AP4S1: variants seen among roughly 807,000 people sequenced by gnomAD.
The protein encoded by AP4S1 is AP-4 complex subunit sigma-1.
Under a neutral mutation model 19.8 loss-of-function variants are expected in AP4S1, and 23 were observed. The ratio of observed to expected loss-of-function variants is 1.16; its 90% confidence interval spans 0.84 to 1.65. The LOEUF is 1.65. Ranked by LOEUF, AP4S1 falls within the 40% of genes most tolerant of loss-of-function variation. The pLI is 0.00. For synonymous variants in AP4S1, 46 were observed against 54.1 expected (o/e 0.85, Z 0.66); for missense variants, 166 against 172.8 (o/e 0.96, Z 0.22).
chr14:31,052,934 A>AT (rs1209280743), intron 1 of AP4S1, among the ~76,000 whole-genome samples: 45,614 of 101,244 alleles, frequency 0.45, 11,265 homozygotes, highest in Admixed American at 0.51. Context: ...AGTGTGCTAA[A>AT]TTTTTTTTTT....
At position 31,062,924 on chromosome 14, in the gene AP4S1, G is replaced by A. The variant is rs542629603; in HGVS notation, c.-71-3202G>A. 9.2e-4 allele frequency among the ~76,000 whole-genome samples: 139 copies of A among 151,296 alleles called. 1 individual carries two copies. Among genetic ancestry groups the A allele is most frequent in the African/African-American group, 2.5e-3 (103 of 41,180 alleles). On this transcript the variant is annotated intron_variant, in intron 1 of 5. Coordinates refer to ENST00000542754, the MANE Select transcript of AP4S1 (RefSeq NM_001128126.3). Reference sequence around the variant, plus strand: ...GGAGCTTGCAGTGAGCCGAGATTACGCCACTGCATTCCAGCCTGGGGGACA... The same window carrying A: ...GGAGCTTGCAGTGAGCCGAGATTACACCACTGCATTCCAGCCTGGGGGACA...
Position 31,095,275 on chromosome 14 carries a change from T to A in AP4S1, c.*2240T>A, listed in dbSNP as rs937675727. On this transcript the variant is annotated 3_prime_UTR_variant, in exon 6 of 6. Coordinates refer to ENST00000542754, the MANE Select transcript of AP4S1 (RefSeq NM_001128126.3). ...GAGTTAAATTTTATTTGCCAGTTTG[T>A]AAAAGCCTTTGATACTCATTTTAAG... is the stretch of plus-strand genomic sequence containing the variant. 6.6e-6 allele frequency: 1 copy of A among 152,234 alleles called. No homozygotes were observed. The highest frequency in any genetic ancestry group is 2.4e-5 in the African/African-American group (1 of 41,464). 9.4% of individuals were successfully genotyped at this position (152,234 alleles called of 1,614,324 possible).
chr14:31,047,178 C>T (rs1885456782), intron 1 of AP4S1, among the ~76,000 whole-genome samples: 1 of 152,030 alleles, frequency 6.6e-6, no homozygotes, highest in Non-Finnish European at 1.5e-5. Flanking sequence ...AATTCATTGT[C>T]TGTTTTTTAA....
chr14:31,084,289 C>T (rs1210803239), intron 5 of AP4S1, among the ~76,000 whole-genome samples: 26 of 152,200 alleles, frequency 1.7e-4, no homozygotes, highest in Non-Finnish European at 7.3e-5. Flanking sequence ...GTCTTTTTCT[C>T]CAGAGGCTTT....
intron 1 of AP4S1, among the ~76,000 whole-genome samples, chr14:31,049,289 C>A (rs1885600699): frequency 6.7e-6 from 1 of 150,258 alleles, no homozygotes; most frequent in Admixed American, 6.6e-5. Flanking sequence ...TGGCGGGTGC[C>A]TGTAGCCCCA....
At chr14:31,043,075 G>T (rs1236448474) in intron 1 of AP4S1, among the ~76,000 whole-genome samples, 1 of 152,062 alleles carries the variant, frequency 6.6e-6, no homozygotes, top group Non-Finnish European at 1.5e-5. Flanking sequence ...GCAAAAATTA[G>T]CTGGGCATGG....
intron 1 of AP4S1, among the ~76,000 whole-genome samples, chr14:31,060,001 GTATTTATGTATATATGTATATA>G (rs1255328253): frequency 1.3e-3 from 112 of 84,096 alleles, no homozygotes; most frequent in Middle Eastern, 6.7e-3. Context: ...ATATTTATAT[GTATTTATGTATATATGTATATA>G]TATTTATGTA....
At chr14:31,035,674 C>CCCTCATG (rs1294950740) in intron 1 of AP4S1, among the ~76,000 whole-genome samples, 1 of 150,752 alleles carries the variant, frequency 6.6e-6, no homozygotes, top group Non-Finnish European at 1.5e-5. Flanking sequence ...TCTATGACCC[C>CCCTCATG]CCTCATGGTC....
intron 5 of AP4S1, among the ~76,000 whole-genome samples, chr14:31,091,594 G>C (rs1399859677): frequency 1.3e-5 from 2 of 151,382 alleles, no homozygotes; most frequent in East Asian, 3.9e-4. Flanking sequence ...TTATTCTGCT[G>C]GAGGACTATT....
rs572324856 is a variant in AP4S1, at chr14:31,092,923, A to G, written c.323A>G (p.Asp108Gly). ...TAACCGTAGATAATGTTTAATTTGGATAAAGTACACATCATTTTGGATGAG... is the reference window on the plus strand; with the variant it reads ...TAACCGTAGATAATGTTTAATTTGGGTAAAGTACACATCATTTTGGATGAG... ...VSELDIMFNLDKVHIILDEMV... is the reference protein window; with the variant it reads ...VSELDIMFNLGKVHIILDEMV... The change falls in exon 6 of 6, where the codon GAT becomes GGT. Residue 108 changes from aspartate (D) to glycine (G), a missense_variant. Transcript: ENST00000542754. The G allele has an allele frequency of 3.7e-5, 57 of 1,536,000 alleles. No homozygotes were observed. The East Asian group carries it at 1.2e-3, about 33-fold the overall frequency.
At chr14:31,070,155 C>T (rs146323504) in intron 3 of AP4S1, among the ~76,000 whole-genome samples, 54 of 151,828 alleles carry the variant, frequency 3.6e-4, no homozygotes, top group African/African-American at 9.9e-4. Flanking sequence ...CCACCACACC[C>T]GGCTAATTTT....
At chr14:31,081,970 T>C (rs1349299706) in intron 5 of AP4S1, among the ~76,000 whole-genome samples, 1 of 152,144 alleles carries the variant, frequency 6.6e-6, no homozygotes, top group Non-Finnish European at 1.5e-5. Context: ...GTGCTGGGAT[T>C]ACAGGCGTGA....
chr14:31,038,654 C>T (rs1884914414), intron 1 of AP4S1, among the ~76,000 whole-genome samples: 2 of 151,336 alleles, frequency 1.3e-5, no homozygotes, highest in East Asian at 4.4e-4. Flanking sequence ...ACTGGGTCTT[C>T]CTCAACCATT....
intron 1 of AP4S1, chr14:31,026,474 G>A (rs1270148438): frequency 7.9e-6 from 3 of 380,442 alleles, no homozygotes; most frequent in African/African-American, 6.3e-5. Context: ...GCCGTCACTA[G>A]CGCACAGCAT....
In AP4S1 at chr14:31,093,195, GA is replaced by G. The variant is rs1338878714; in HGVS notation, c.*164del. The G allele has an allele frequency of 1.5e-6, 1 of 660,790 alleles. No homozygotes were observed. The highest frequency in any genetic ancestry group is 1.9e-5 in the African/African-American group (1 of 52,476). 40.9% of individuals were successfully genotyped at this position (660,790 alleles called of 1,614,324 possible). On this transcript the variant is annotated 3_prime_UTR_variant, in exon 6 of 6. Coordinates refer to ENST00000542754, the MANE Select transcript of AP4S1 (RefSeq NM_001128126.3). ...AGGCATTTTCCACAGTTCCTAAAAA[GA>G]AAACACAACTGTACTTTAAAATATG...
At chr14:31,087,348 T>C (rs868047595) in intron 5 of AP4S1, among the ~76,000 whole-genome samples, 38 of 152,120 alleles carry the variant, frequency 2.5e-4, no homozygotes, top group Admixed American at 2.6e-4. Flanking sequence ...TAAATTTGAC[T>C]TTTTTTTCTT....
chr14:31,075,290 G>A (rs923152973), intron 4 of AP4S1, among the ~76,000 whole-genome samples: 11 of 151,602 alleles, frequency 7.3e-5, no homozygotes, highest in Non-Finnish European at 1.3e-4. Context: ...TTTGTCTTTC[G>A]GTGCCTGGCT....
At chr14:31,055,993 A>ACCTGTATGTAGC (rs1886092687) in intron 1 of AP4S1, among the ~76,000 whole-genome samples, 1 of 150,954 alleles carries the variant, frequency 6.6e-6, no homozygotes, top group Admixed American at 6.6e-5. Flanking sequence ...ACAGGCGCCC[A>ACCTGTATGTAGC]CCACCATGCC....
intron 5 of AP4S1, among the ~76,000 whole-genome samples, chr14:31,081,345 G>T (rs1887627988): frequency 6.6e-6 from 1 of 152,144 alleles, no homozygotes; most frequent in South Asian, 2.1e-4. Flanking sequence ...TAAAGAAATT[G>T]CCTGGCTTGT....
Sources: gnomAD v4.1 joint callset for allele counts (sites outside exome capture counted in the v4.1 genomes callset) on GRCh38, gnomAD v4.1.1 for gene constraint, MANE v1.5 for transcripts, NCBI Gene and HGNC (gene_info 2026-07-23, HGNC 2026-07-21) for gene names.